TENM4: variants seen among roughly 807,000 people sequenced by gnomAD.
The protein encoded by TENM4 is teneurin-4.
In TENM4, 82 loss-of-function variants were observed where a neutral mutation model predicts 243.3. The observed-to-expected ratio is 0.34, with a 90% CI of 0.28 to 0.40. The LOEUF (loss-of-function observed/expected upper bound fraction) is 0.40. Ranked by LOEUF, TENM4 falls within the 10% of genes least tolerant of loss-of-function variation. TENM4 has a pLI of 1.00. For synonymous variants in TENM4, 1,412 were observed against 1,456.3 expected (o/e 0.97, Z 0.69); for missense variants, 3,138 against 3,673.3 (o/e 0.85, Z 3.77).
intron 15 of TENM4, among the ~76,000 whole-genome samples, chr11:78,789,597 GT>G (rs1857012232): frequency 6.6e-6 from 1 of 152,162 alleles, no homozygotes. Flanking sequence ...ATTTGTTTGG[GT>G]TTACTCAGCA....
At chr11:78,715,236 A>G (rs1255701737) in intron 25 of TENM4, among the ~76,000 whole-genome samples, 1 of 152,216 alleles carries the variant, frequency 6.6e-6, no homozygotes, top group Non-Finnish European at 1.5e-5. Context: ...AATTCTGGCT[A>G]CATAAAAGGC....
intron 4 of TENM4, among the ~76,000 whole-genome samples, chr11:79,127,082 C>A (rs557837832): frequency 2.2e-4 from 34 of 152,192 alleles, no homozygotes; most frequent in African/African-American, 7.7e-4. Context: ...GTTGCCATTT[C>A]CCCAGTGCTA....
chr11:79,311,524 A>T (rs1856721602), intron 1 of TENM4, among the ~76,000 whole-genome samples: 1 of 152,186 alleles, frequency 6.6e-6, no homozygotes, highest in Non-Finnish European at 1.5e-5. Context: ...TGTGAATCCT[A>T]GTTTGCAGAT....
chr11:79,001,525 A>C (rs1253210507), intron 6 of TENM4, among the ~76,000 whole-genome samples: 1 of 152,102 alleles, frequency 6.6e-6, no homozygotes, highest in African/African-American at 2.4e-5. Context: ...AGAGATGCTT[A>C]TAGAGGTTGT....
rs899797795 is a variant in TENM4 at position 79,359,224 on chromosome 11, C to A, written c.-320-61681G>T. Among the ~76,000 whole-genome samples the A allele has an allele frequency of 4.6e-5, 7 of 152,118 alleles. No individual in the cohort carries two copies. In the East Asian group the frequency reaches 1.3e-3, roughly 29 times the overall value. Reference sequence around the variant, plus strand: ...GAGGTTGCAGTAAGCTATGATTGCACCACTGCACTCCAGCCTGGGTGATAG... The same window carrying A: ...GAGGTTGCAGTAAGCTATGATTGCAACACTGCACTCCAGCCTGGGTGATAG... On this transcript the variant is annotated intron_variant, in intron 1 of 33. Coordinates refer to ENST00000278550, the MANE Select transcript of TENM4 (RefSeq NM_001098816.3).
intron 6 of TENM4, among the ~76,000 whole-genome samples, chr11:79,004,840 C>T (rs2136719705): frequency 6.9e-6 from 1 of 145,414 alleles, no homozygotes; most frequent in Middle Eastern, 3.8e-3. Context: ...GTAAGACTGA[C>T]AAGCTGCTAG....
At chr11:79,004,958 A>C (rs959673434) in intron 6 of TENM4, among the ~76,000 whole-genome samples, 1 of 151,120 alleles carries the variant, frequency 6.6e-6, no homozygotes, top group Non-Finnish European at 1.5e-5. Flanking sequence ...AAAAAAAAAA[A>C]AAACAACTCT....
chr11:79,089,014 C>G (rs1860883005), intron 4 of TENM4, among the ~76,000 whole-genome samples: 2 of 152,194 alleles, frequency 1.3e-5, no homozygotes, highest in Non-Finnish European at 2.9e-5. Flanking sequence ...ACATGGTCAT[C>G]TGGGGGTCTG....
intron 2 of TENM4, among the ~76,000 whole-genome samples, chr11:79,238,941 C>T (rs1247338118): frequency 1.3e-5 from 2 of 152,314 alleles, no homozygotes; most frequent in East Asian, 3.9e-4. Context: ...ATGAGAATCG[C>T]TTAAACCTGG....
intron 3 of TENM4, among the ~76,000 whole-genome samples, chr11:79,173,996 G>A (rs1352428177): frequency 6.6e-6 from 1 of 152,162 alleles, no homozygotes; most frequent in Non-Finnish European, 1.5e-5. Context: ...AAAACAGAAA[G>A]CCAAAACAAA....
At chr11:78,985,735 T>A (rs1042103322) in intron 6 of TENM4, among the ~76,000 whole-genome samples, 7 of 152,038 alleles carry the variant, frequency 4.6e-5, no homozygotes, top group African/African-American at 1.7e-4. Context: ...TTGTTCTTTT[T>A]AAATTTTTTT....
At chr11:79,331,746 T>G (rs547438083) in intron 1 of TENM4, among the ~76,000 whole-genome samples, 32 of 152,320 alleles carry the variant, frequency 2.1e-4, no homozygotes, top group African/African-American at 7.0e-4. Context: ...TAAATCACAG[T>G]GCTTCCTGCA....
Position 79,189,289 on chromosome 11 carries a change from T to A in TENM4, c.-163+26519A>T, listed in dbSNP as rs544494310. Among the ~76,000 whole-genome samples the A allele has an allele frequency of 7.2e-5, 11 of 152,348 alleles. No homozygotes were observed. In the South Asian group the frequency reaches 2.3e-3, roughly 32 times the overall value. On this transcript the variant is annotated intron_variant, in intron 3 of 33. Coordinates refer to ENST00000278550, the MANE Select transcript of TENM4 (RefSeq NM_001098816.3). ...CAGCATTTAGTAGGTATTTGGCAAA[T>A]ACAAGATCCCTTCCCTTTTTCAGAG...
At chr11:79,265,245 A>G (rs1221502451) in intron 2 of TENM4, among the ~76,000 whole-genome samples, 2 of 152,170 alleles carry the variant, frequency 1.3e-5, no homozygotes, top group African/African-American at 4.8e-5. Flanking sequence ...AGCCCTAGGC[A>G]CATGAATGAA....
At position 78,670,499 on chromosome 11, in the gene TENM4, T is replaced by C. The variant is rs753825411; in HGVS notation, c.5846A>G (p.Lys1949Arg). 1.9e-6 allele frequency: 3 copies of C among 1,613,530 alleles called. No individual in the cohort carries two copies. Among genetic ancestry groups the C allele is most frequent in the Non-Finnish European group, 2.5e-6 (3 of 1,179,790 alleles). Reference sequence around the variant, plus strand: ...CGTCACAGAAGAGAGGCGGTCATTCTTGTCGAACTCAAAGATATACTGCCT... The same window carrying C: ...CGTCACAGAAGAGAGGCGGTCATTCCTGTCGAACTCAAAGATATACTGCCT... Reference protein sequence around the residue: ...SQRQYIFEFDKNDRLSSVTMP... With the variant: ...SQRQYIFEFDRNDRLSSVTMP... Residue 1949 changes from lysine to arginine, a missense_variant, in exon 32 of 34, where the codon AAG becomes AGG. Around this residue, in one of 2 missense-constraint regions of TENM4, gnomAD observed 2,467 missense variants for 3,059.1 expected, o/e 0.81. Coordinates refer to ENST00000278550, the MANE Select transcript of TENM4 (RefSeq NM_001098816.3).
intron 4 of TENM4, among the ~76,000 whole-genome samples, chr11:79,075,290 G>A (rs1332973237): frequency 6.6e-6 from 1 of 152,226 alleles, no homozygotes; most frequent in Non-Finnish European, 1.5e-5. Context: ...CTCAAGAGCT[G>A]GAAGTGTCCA....
intron 6 of TENM4, among the ~76,000 whole-genome samples, chr11:79,060,095 AC>A (rs1332764673): frequency 3.3e-5 from 5 of 152,306 alleles, no homozygotes; most frequent in African/African-American, 1.2e-4. Context: ...TGTCAGCTTG[AC>A]CCAGTGCTTG....
chr11:78,817,283 A>G (rs973251844), intron 12 of TENM4, among the ~76,000 whole-genome samples: 10 of 152,216 alleles, frequency 6.6e-5, no homozygotes, highest in Non-Finnish European at 2.9e-5. Context: ...TAAAGTGTCA[A>G]CTTAAGAACT....
At chr11:79,085,287 G>A (rs1355604764) in intron 4 of TENM4, among the ~76,000 whole-genome samples, 6 of 151,150 alleles carry the variant, frequency 4.0e-5, no homozygotes, top group Non-Finnish European at 7.4e-5. Flanking sequence ...TGAGGCAGGA[G>A]AATGGCGTGA....
Sources: gnomAD v4.1 joint callset for allele counts (sites outside exome capture counted in the v4.1 genomes callset) on GRCh38, gnomAD v4.1.1 for gene constraint, gnomAD v4.1.1 regional missense constraint, MANE v1.5 for transcripts, NCBI Gene and HGNC (gene_info 2026-07-23, HGNC 2026-07-21) for gene names.